The following TOP3B variants were observed in gnomAD, a reference collection of about 807,000 sequenced individuals.
TOP3B encodes DNA topoisomerase III beta, also known as DNA topoisomerase 3-beta-1.
A neutral mutation model predicts 93.9 loss-of-function variants in TOP3B; 45 were observed. The ratio of observed to expected loss-of-function variants is 0.48; its 90% confidence interval spans 0.38 to 0.61. The LOEUF is 0.61. Among genes scored for constraint, TOP3B ranks in the 20% least tolerant of loss-of-function variants. The probability of loss-of-function intolerance (pLI) is 0.00; values close to 1 mark genes in which losing one functional copy is unlikely to be tolerated. For synonymous variants in TOP3B, 357 were observed against 472.6 expected (o/e 0.76, Z 3.17); for missense variants, 750 against 1,156.1 (o/e 0.65, Z 5.09).
chr22:21,979,759 G>A (rs2084579573), intron 1 of TOP3B, among the ~76,000 whole-genome samples: 1 of 151,850 alleles, frequency 6.6e-6, no homozygotes, highest in Non-Finnish European at 1.5e-5. Flanking sequence ...GACTAACGTG[G>A]TGAAACCCCG....
intron 7 of TOP3B, 84 bp downstream of exon 7, chr22:21,968,535 T>A (rs1466338453): frequency 6.4e-7 from 1 of 1,559,186 alleles, no homozygotes; most frequent in Non-Finnish European, 8.7e-7. Flanking sequence ...GCCCGGGGCC[T>A]GCCGGCTGAT....
intron 8 of TOP3B, chr22:21,966,753 C>T (rs2071429137): frequency 6.6e-6 from 1 of 152,282 alleles, no homozygotes; most frequent in Non-Finnish European, 1.5e-5. Context: ...CTGGTCAGGG[C>T]AGTGCCTTCT....
chr22:21,960,190 T>C (rs971714631), intron 14 of TOP3B, 131 bp downstream of exon 14: 2 of 1,360,974 alleles, frequency 1.5e-6, no homozygotes, highest in African/African-American at 2.9e-5. Flanking sequence ...TCAGCGGGTG[T>C]TGAGGGAGTG....
rs2071642114 is a variant in TOP3B, at chr22:21,971,618, G to C, written c.384+259C>G. ...CCATTCTGAAACCTGCATCCACCCA[G>C]ACAATTTGGCCCCTCCTATGTTCAC... On this transcript the variant is annotated intron_variant, in intron 5 of 17. Coordinates refer to ENST00000357179, the MANE Select transcript of TOP3B (RefSeq NM_001282112.2). The surrounding 1 kb of genome is among the most constrained non-coding windows in gnomAD (Gnocchi z 4.6). 11 of 518,378 alleles carry C rather than the reference G, an allele frequency of 2.1e-5. No individual in the cohort carries two copies. Among genetic ancestry groups the C allele is most frequent in the South Asian group, 2.0e-4 (10 of 50,570 alleles). The allele number at this position is 518,378 out of a possible 1,614,324, so 32.1% of individuals were successfully genotyped here. A position where few individuals can be genotyped will look rare whatever the true frequency, so the allele number is the denominator to read the frequency against.
chr22:21,968,815 C>T (rs778328024), intron 6 of TOP3B, 40 bp from the exon 7 acceptor site: 3 of 1,611,124 alleles, frequency 1.9e-6, no homozygotes, highest in East Asian at 2.2e-5. Context: ...CTGATTCACT[C>T]AAGACACTAT....
intron 6 of TOP3B, chr22:21,969,061 AG>A (rs1253054661): frequency 5.6e-6 from 2 of 358,754 alleles, no homozygotes; most frequent in African/African-American, 4.1e-5. Flanking sequence ...CAGGACCCCC[AG>A]AGCACAGACA....
intron 1 of TOP3B, chr22:21,982,172 TAA>T (rs1306997199): frequency 6.6e-6 from 1 of 152,160 alleles, no homozygotes; most frequent in Non-Finnish European, 1.5e-5. Flanking sequence ...GGTGAGAAGA[TAA>T]AAAGGCAAGA....
chr22:21,980,755 C>T (rs1192623995), intron 1 of TOP3B, among the ~76,000 whole-genome samples: 1 of 152,242 alleles, frequency 6.6e-6, no homozygotes, highest in Admixed American at 6.5e-5. Flanking sequence ...CGGCCTAGGC[C>T]ACTTTTCCCC....
intron 3 of TOP3B, chr22:21,973,416 G>A (rs9610769): frequency 0.12 from 18,256 of 150,270 alleles, 1,206 homozygotes; most frequent in African/African-American, 0.14. Flanking sequence ...CTACAGGTGC[G>A]CACCACCATG....
At chr22:21,979,894 T>C (rs904088139) in intron 1 of TOP3B, among the ~76,000 whole-genome samples, 11 of 140,024 alleles carry the variant, frequency 7.9e-5, no homozygotes, top group East Asian at 4.2e-4. Context: ...TGAGCCGAGA[T>C]TGCGCCACTG....
At chr22:21,961,504 G>A (rs1003886711) in intron 13 of TOP3B, 1 of 152,404 alleles carries the variant, frequency 6.6e-6, no homozygotes, top group Non-Finnish European at 1.5e-5. Flanking sequence ...CGAGAGGGCA[G>A]AGGACACGGG....
Position 21,970,497 on chromosome 22 carries a change from A to G in TOP3B, c.385-91T>C. Reference sequence around the variant, plus strand: ...TGTGAAGCCTGGTTCCTTCCAGGAAAGAACACGTGTGCTCGGCTCCCTCTC... The same window carrying G: ...TGTGAAGCCTGGTTCCTTCCAGGAAGGAACACGTGTGCTCGGCTCCCTCTC... On this transcript the variant is annotated intron_variant, in intron 5 of 17. Transcript: ENST00000357179. The surrounding 1 kb of genome is among the most constrained non-coding windows in gnomAD (Gnocchi z 4.4). 7.2e-7 allele frequency: 1 copy of G among 1,393,688 alleles called. No homozygotes were observed. The highest frequency in any genetic ancestry group is 1.3e-5 in the South Asian group (1 of 77,958). The allele number at this position is 1,393,688 out of a possible 1,614,324, so 86.3% of individuals were successfully genotyped here. A position where few individuals can be genotyped will look rare whatever the true frequency, so the allele number is the denominator to read the frequency against.
intron 13 of TOP3B, chr22:21,962,072 A>G (rs1240940546): frequency 8.4e-7 from 1 of 1,187,460 alleles, no homozygotes; most frequent in African/African-American, 1.6e-5. Context: ...ATTTCAGGAC[A>G]GCCCAGGCTG....
intron 6 of TOP3B, 78 bp from the exon 7 acceptor site, chr22:21,968,853 A>G: frequency 6.6e-7 from 1 of 1,524,792 alleles, no homozygotes; most frequent in Non-Finnish European, 9.0e-7. Flanking sequence ...GTCCAGCCCA[A>G]GGCCAGGGGT....
chr22:21,970,527 C>G lies in TOP3B; in HGVS notation c.385-121G>C. ...ACGTGTGCTCGGCTCCCTCTCCTGC[C>G]CCTGCCAGACCCTCCTCTATCCCCT... On this transcript the variant is annotated intron_variant, in intron 5 of 17. Coordinates refer to ENST00000357179, the MANE Select transcript of TOP3B (RefSeq NM_001282112.2). This position sits in a 1 kb window ranked among gnomAD's most constrained non-coding sequence, Gnocchi z 4.4. 1.0e-6 allele frequency: 1 copy of G among 985,652 alleles called. No individual in the cohort carries two copies. Among genetic ancestry groups the G allele is most frequent in the East Asian group, 2.6e-5 (1 of 38,186 alleles). The allele number at this position is 985,652 out of a possible 1,614,324, so 61.1% of individuals were successfully genotyped here. A position where few individuals can be genotyped will look rare whatever the true frequency, so the allele number is the denominator to read the frequency against.
rs903396705 is a variant in TOP3B, at chr22:21,970,909, C to T, written c.385-503G>A. ...GAAATGGGCAAGAGCAGGAAGGCCACGGGTGGTCCTAGCTTGTGGTGGGGG... is the reference window on the plus strand; with the variant it reads ...GAAATGGGCAAGAGCAGGAAGGCCATGGGTGGTCCTAGCTTGTGGTGGGGG... On this transcript the variant is annotated intron_variant, in intron 5 of 17. Transcript: ENST00000357179. This position sits in a 1 kb window ranked among gnomAD's most constrained non-coding sequence, Gnocchi z 4.4. The T allele has an allele frequency of 2.5e-5, 22 of 872,086 alleles. No homozygotes were observed. The highest frequency in any genetic ancestry group is 1.2e-4 in the African/African-American group (7 of 56,248). 54.0% of individuals were successfully genotyped at this position (872,086 alleles called of 1,614,324 possible).
In TOP3B at chr22:21,962,595, C is replaced by G. The variant is rs921113072; in HGVS notation, c.1359G>C (p.Thr453=). 1 of 1,612,954 alleles carries G rather than the reference C, an allele frequency of 6.2e-7. No homozygotes were observed. The highest frequency in any genetic ancestry group is 1.7e-5 in the Admixed American group (1 of 60,002). The change falls in exon 13 of 18, where the codon ACG becomes ACC. Residue 453 remains threonine (T), a synonymous_variant. Transcript: ENST00000357179. ...SGKTVLSPGF[T]EVMPWQSVPL... ...GCACGCTCTGCCAGGGCATGACCTC[C>G]GTGAAGCCTGGAGAGATATGCGCCG...
Position 21,974,469 on chromosome 22 carries a change from T to A in TOP3B, c.90A>T (p.Lys30Asn), listed in dbSNP as rs1324252720. The change falls in exon 3 of 18, where the codon AAA (lysine) becomes AAT (asparagine). Residue 30 changes from lysine (K) to asparagine (N), a missense_variant. Transcript: ENST00000357179. Reference sequence around the variant, plus strand: ...GGACTGAGCAGGCCCCGTTCAGCCCTTTGTGTGAGGACAGGCTCCCTGGGG... The same window carrying A: ...GGACTGAGCAGGCCCCGTTCAGCCCATTGTGTGAGGACAGGCTCCCTGGGG... ...ILSRGSLSSH[K>N]GLNGACSVHE... 6.2e-7 allele frequency: 1 copy of A among 1,611,386 alleles called. No individual in the cohort carries two copies. Among genetic ancestry groups the A allele is most frequent in the Non-Finnish European group, 8.5e-7 (1 of 1,178,594 alleles).
chr22:21,974,062 A>C (rs979671769), intron 3 of TOP3B: 1 of 239,324 alleles, frequency 4.2e-6, no homozygotes, highest in African/African-American at 2.3e-5. Context: ...AAATGCCTGC[A>C]CAGGTCAAGC....
Sources: gnomAD v4.1 joint callset for allele counts (sites outside exome capture counted in the v4.1 genomes callset) on GRCh38, gnomAD v4.1.1 for gene constraint, Gnocchi (gnomAD v3.1) non-coding constraint, MANE v1.5 for transcripts, NCBI Gene and HGNC (gene_info 2026-07-23, HGNC 2026-07-21) for gene names.